PRKN: variants seen among roughly 807,000 people sequenced by gnomAD.
PRKN encodes parkin RBR E3 ubiquitin protein ligase.
PRKN carries 56 observed loss-of-function variants against 59.5 expected under a neutral mutation model. The ratio of observed to expected loss-of-function variants is 0.94; its 90% CI spans 0.76 to 1.18. The LOEUF (loss-of-function observed/expected upper bound fraction) is 1.18, where lower values mean the gene tolerates loss of function less well. PRKN is among the 50% of genes most tolerant of loss of function. The probability of loss-of-function intolerance (pLI) is 0.00; values close to 1 mark genes in which losing one functional copy is unlikely to be tolerated. For missense variants in PRKN, 657 were observed against 596.4 expected, an observed-to-expected ratio of 1.10 and a Z score of -1.06; for synonymous variants, 250 against 222.1, an observed-to-expected ratio of 1.13 and a Z score of -1.12.
intron 7 of PRKN, among the ~76,000 whole-genome samples, chr6:161,622,250 C>T (rs929129428): frequency 1.8e-4 from 27 of 152,196 alleles, no homozygotes; most frequent in African/African-American, 5.8e-4. Context: ...AGGGAAAGTT[C>T]TCTCTTTGCT....
In PRKN at chr6:161,516,115, G is replaced by C. The variant is rs377550057; in HGVS notation, c.1083+32739C>G. 3.3e-5 allele frequency among the ~76,000 whole-genome samples: 5 copies of C among 152,014 alleles called. No homozygotes were observed. In the East Asian group the frequency reaches 7.7e-4, roughly 23 times the overall value. Reference sequence around the variant, plus strand: ...CTTTTTTCTATATAACCTTAAAACAGAGCCAGTTCATTCCTAGTGTTTCCA... The same window carrying C: ...CTTTTTTCTATATAACCTTAAAACACAGCCAGTTCATTCCTAGTGTTTCCA... On this transcript the variant is annotated intron_variant, in intron 9 of 11. Transcript: ENST00000366898.
chr6:161,439,345 C>A (rs79840400), intron 9 of PRKN, among the ~76,000 whole-genome samples: 140 of 152,254 alleles, frequency 9.2e-4, no homozygotes, highest in African/African-American at 3.2e-3. Context: ...GGGGAGCACT[C>A]CTAGCAGGCA....
chr6:162,344,565 A>T (rs1784317225), intron 2 of PRKN, among the ~76,000 whole-genome samples: 1 of 151,814 alleles, frequency 6.6e-6, no homozygotes, highest in South Asian at 2.1e-4. Context: ...TGGGTCAGGG[A>T]GGTCTGGCCT....
At chr6:162,009,987 T>C (rs535164255) in intron 5 of PRKN, among the ~76,000 whole-genome samples, 44 of 151,468 alleles carry the variant, frequency 2.9e-4, no homozygotes, top group African/African-American at 1.1e-3. Flanking sequence ...GTAAAAGTTG[T>C]TTATAACTTC....
chr6:161,360,574 AGTTTTT>A lies in PRKN; in HGVS notation c.1168-375_1168-370del, dbSNP rs775722539. ...TTCATCAGATGTGAAGTGAGGATCT[AGTTTTT>A]ATTCCACATTGAGGATTCGATGGGT... is the stretch of plus-strand genomic sequence containing the variant. On this transcript the variant is annotated intron_variant, in intron 10 of 11. Transcript: ENST00000366898. The surrounding 1 kb of genome is among the most constrained non-coding windows in gnomAD (Gnocchi z 5.1). Among the ~76,000 whole-genome samples, 31 of 152,354 alleles carry A rather than the reference AGTTTTT, an allele frequency of 2.0e-4. No homozygotes were observed. Among genetic ancestry groups the A allele is most frequent in the South Asian group, 4.1e-4 (2 of 4,832 alleles).
intron 1 of PRKN, among the ~76,000 whole-genome samples, chr6:162,530,828 G>A (rs1382986721): frequency 1.3e-5 from 2 of 152,152 alleles, no homozygotes; most frequent in Non-Finnish European, 2.9e-5. Context: ...AAGCCGAGGT[G>A]GGTGGAATGC....
intron 6 of PRKN, among the ~76,000 whole-genome samples, chr6:161,821,222 C>T (rs953573221): frequency 2.6e-5 from 4 of 151,970 alleles, no homozygotes; most frequent in African/African-American, 4.8e-5. Context: ...ACCAACATAC[C>T]CACTGATATC....
chr6:162,158,329 T>C (rs990298609), intron 4 of PRKN, among the ~76,000 whole-genome samples: 1 of 151,990 alleles, frequency 6.6e-6, no homozygotes, highest in Non-Finnish European at 1.5e-5. Context: ...ATTGAAAACA[T>C]GCTGCCCAGA....
At chr6:161,777,729 ATC>A (rs1789993062) in intron 7 of PRKN, among the ~76,000 whole-genome samples, 1 of 142,544 alleles carries the variant, frequency 7.0e-6, no homozygotes, top group African/African-American at 2.6e-5. Flanking sequence ...ATACATATAT[ATC>A]TATATATGTA....
chr6:161,371,234 C>T lies in PRKN; in HGVS notation c.1168-11029G>A, dbSNP rs999766224. 3.3e-5 allele frequency among the ~76,000 whole-genome samples: 5 copies of T among 151,622 alleles called. No homozygotes were observed. The highest frequency in any genetic ancestry group is 2.1e-4 in the South Asian group (1 of 4,814). On this transcript the variant is annotated intron_variant, in intron 10 of 11. Coordinates refer to ENST00000366898, the MANE Select transcript of PRKN (RefSeq NM_004562.3). The surrounding 1 kb of genome is among the most constrained non-coding windows in gnomAD (Gnocchi z 5.5). ...GGCTGGAGTGCAATGGTGAAATCTC[C>T]GCTCACTGCAACCTCCACCTCCTGG... is the stretch of plus-strand genomic sequence containing the variant.
intron 7 of PRKN, among the ~76,000 whole-genome samples, chr6:161,781,599 G>T (rs1262126095): frequency 6.6e-6 from 1 of 152,016 alleles, no homozygotes; most frequent in Non-Finnish European, 1.5e-5. Context: ...GTTATCTCGT[G>T]GCAAAGAACC....
intron 2 of PRKN, among the ~76,000 whole-genome samples, chr6:162,359,079 A>AAAAAAAAAAAAATATATATATAT (rs57265104): frequency 6.0e-5 from 5 of 83,244 alleles, no homozygotes; most frequent in African/African-American, 3.7e-4. Flanking sequence ...AAAAAAAAAA[A>AAAAAAAAAAAAATATATATATAT]ATATATATAT....
rs377644555 is a variant in PRKN at position 161,483,994 on chromosome 6, T to G, written c.1083+64860A>C. ...TGAATGATGAGCACACATGGACACA[T>G]GGGGGAACAACACACACTGGGGCCT... On this transcript the variant is annotated intron_variant, in intron 9 of 11. Transcript: ENST00000366898. This position sits in a 1 kb window ranked among gnomAD's most constrained non-coding sequence, Gnocchi z 5.0. Among the ~76,000 whole-genome samples the G allele has an allele frequency of 2.0e-4, 30 of 151,830 alleles. No homozygotes were observed. The highest frequency in any genetic ancestry group is 6.8e-4 in the African/African-American group (28 of 41,378).
At chr6:162,663,019 G>C (rs1201336547) in intron 1 of PRKN, among the ~76,000 whole-genome samples, 2 of 152,120 alleles carry the variant, frequency 1.3e-5, no homozygotes, top group Non-Finnish European at 2.9e-5. Flanking sequence ...ATCTTGCACT[G>C]GGAGAACAAG....
At chr6:162,634,945 A>C (rs1373842961) in intron 1 of PRKN, among the ~76,000 whole-genome samples, 3 of 152,196 alleles carry the variant, frequency 2.0e-5, no homozygotes, top group Non-Finnish European at 4.4e-5. Context: ...TCTCACCTGT[A>C]ATATTAAACA....
chr6:162,058,373 C>T (rs1777951078), intron 4 of PRKN, among the ~76,000 whole-genome samples: 1 of 152,144 alleles, frequency 6.6e-6, no homozygotes, highest in Non-Finnish European at 1.5e-5. Context: ...TAACAGGAGC[C>T]GTGCTCCCTG....
intron 7 of PRKN, among the ~76,000 whole-genome samples, chr6:161,572,568 G>A (rs912787020): frequency 3.3e-5 from 5 of 152,178 alleles, no homozygotes; most frequent in African/African-American, 1.2e-4. Context: ...GCTGAGGCAG[G>A]AGAATCGCTT....
chr6:162,726,948 C>T (rs1779239490), intron 1 of PRKN, among the ~76,000 whole-genome samples: 1 of 151,974 alleles, frequency 6.6e-6, no homozygotes, highest in South Asian at 2.1e-4. Flanking sequence ...TCATGAACAA[C>T]TCTGATGCCA....
At position 161,457,618 on chromosome 6, in the gene PRKN, A is replaced by G. The variant is rs964416944; in HGVS notation, c.1084-70741T>C. Among the ~76,000 whole-genome samples, 4 of 152,218 alleles carry G rather than the reference A, an allele frequency of 2.6e-5. No individual in the cohort carries two copies. Among genetic ancestry groups the G allele is most frequent in the African/African-American group, 7.2e-5 (3 of 41,450 alleles). On this transcript the variant is annotated intron_variant, in intron 9 of 11. Transcript: ENST00000366898. The surrounding 1 kb of genome is among the most constrained non-coding windows in gnomAD (Gnocchi z 5.0). ...TGAATGAATTAATGAATGCTCTGTG[A>G]TCTGAGGGCTGAAGATACATTACTG... is the stretch of plus-strand genomic sequence containing the variant.
Sources: allele counts gnomAD v4.1 joint callset (sites outside exome capture counted in the v4.1 genomes callset), GRCh38; gene constraint gnomAD v4.1.1; non-coding constraint Gnocchi (gnomAD v3.1); transcripts MANE v1.5; gene names NCBI Gene and HGNC (gene_info 2026-07-23, HGNC 2026-07-21).